CSMD1: variants seen among roughly 807,000 people sequenced by gnomAD.
The protein encoded by CSMD1 is CUB and Sushi multiple domains 1, also known as CUB and sushi domain-containing protein 1.
Under a neutral mutation model 417.5 loss-of-function variants are expected in CSMD1, and 213 were observed. The observed-to-expected ratio is 0.51, with a 90% CI of 0.46 to 0.57. The LOEUF (loss-of-function observed/expected upper bound fraction) is 0.57. CSMD1 is among the 20% of genes least tolerant of loss of function. The pLI is 0.00. For missense variants in CSMD1, 6,923 were observed against 4,529.7 expected (o/e 1.53, Z -15.17); for synonymous variants, 2,862 against 1,736.8 (o/e 1.65, Z -16.11).
intron 1 of CSMD1, among the ~76,000 whole-genome samples, chr8:4,651,476 G>A (rs1454831403): frequency 2.6e-5 from 4 of 151,932 alleles, no homozygotes; most frequent in African/African-American, 7.3e-5. Flanking sequence ...GGTGGGGGGA[G>A]GAATTGAACA....
chr8:4,747,553 C>T (rs903332277), intron 1 of CSMD1, among the ~76,000 whole-genome samples: 5 of 152,274 alleles, frequency 3.3e-5, no homozygotes, highest in Non-Finnish European at 5.9e-5. Context: ...ATTTATGATC[C>T]TCCTACGGTG....
chr8:3,315,657 G>C (rs1041170901), intron 23 of CSMD1, among the ~76,000 whole-genome samples: 2 of 147,954 alleles, frequency 1.4e-5, no homozygotes, highest in African/African-American at 2.4e-5. Flanking sequence ...TTAAAAAATA[G>C]CAATAGCAAA....
At chr8:3,893,173 A>T (rs1351432174) in intron 5 of CSMD1, among the ~76,000 whole-genome samples, 1 of 151,788 alleles carries the variant, frequency 6.6e-6, no homozygotes, top group East Asian at 1.9e-4. Flanking sequence ...GCTGCAGTGA[A>T]AAAACATGTT....
chr8:4,275,302 T>C (rs809028), intron 3 of CSMD1, among the ~76,000 whole-genome samples: 144,685 of 152,178 alleles, frequency 0.95, 69,218 homozygotes, highest in East Asian at 1. Context: ...GAACAGAAAC[T>C]GTAAGGTCAG....
chr8:4,236,120 C>A (rs958988302), intron 3 of CSMD1, among the ~76,000 whole-genome samples: 1 of 140,488 alleles, frequency 7.1e-6, no homozygotes, highest in East Asian at 2.1e-4. Flanking sequence ...GGGCTTCAAA[C>A]GGTGGGATAA....
intron 3 of CSMD1, among the ~76,000 whole-genome samples, chr8:4,300,719 G>C (rs1797939386): frequency 6.6e-6 from 1 of 152,136 alleles, no homozygotes; most frequent in Admixed American, 6.5e-5. Context: ...GGAGTGTGAT[G>C]TTCCCCTTCC....
intron 11 of CSMD1, among the ~76,000 whole-genome samples, chr8:3,471,916 T>A (rs1401409895): frequency 6.6e-6 from 1 of 152,142 alleles, no homozygotes; most frequent in Non-Finnish European, 1.5e-5. Flanking sequence ...GGCACTTGGT[T>A]CACATGCAAA....
At chr8:3,442,511 T>C (rs912120806) in intron 12 of CSMD1, among the ~76,000 whole-genome samples, 1 of 152,234 alleles carries the variant, frequency 6.6e-6, no homozygotes, top group African/African-American at 2.4e-5. Context: ...AAATGTTACT[T>C]CTTGTTACAA....
intron 2 of CSMD1, among the ~76,000 whole-genome samples, chr8:4,433,471 C>A (rs1191408706): frequency 6.6e-6 from 1 of 152,192 alleles, no homozygotes; most frequent in Non-Finnish European, 1.5e-5. Context: ...AACGCACTGG[C>A]TATCTGCAAG....
At chr8:3,650,757 A>G (rs1797815466) in intron 7 of CSMD1, among the ~76,000 whole-genome samples, 1 of 152,240 alleles carries the variant, frequency 6.6e-6, no homozygotes, top group Admixed American at 6.5e-5. Flanking sequence ...TTTCTAATGC[A>G]AAAATGTGAT....
chr8:4,290,097 T>C (rs925288489), intron 3 of CSMD1, among the ~76,000 whole-genome samples: 18 of 152,180 alleles, frequency 1.2e-4, no homozygotes, highest in Admixed American at 1.0e-3. Flanking sequence ...CATACAGATG[T>C]GCAACAAAAC....
chr8:4,511,068 C>G (rs1000108650), intron 2 of CSMD1, among the ~76,000 whole-genome samples: 1 of 152,046 alleles, frequency 6.6e-6, no homozygotes, highest in African/African-American at 2.4e-5. Flanking sequence ...TCTCAGCCAT[C>G]CTTCAGCCTG....
At chr8:4,294,441 A>T (rs1469167541) in intron 3 of CSMD1, among the ~76,000 whole-genome samples, 1 of 152,178 alleles carries the variant, frequency 6.6e-6, no homozygotes, top group Non-Finnish European at 1.5e-5. Context: ...TTCAATTAAC[A>T]TCGCAGGCAA....
intron 1 of CSMD1, among the ~76,000 whole-genome samples, chr8:4,664,794 G>C (rs190901059): frequency 6.6e-6 from 1 of 152,082 alleles, no homozygotes; most frequent in African/African-American, 2.4e-5. Flanking sequence ...GGAAATTATG[G>C]CATCTTTATG....
At chr8:3,186,422 T>C (rs1198151662) in intron 36 of CSMD1, among the ~76,000 whole-genome samples, 1 of 152,144 alleles carries the variant, frequency 6.6e-6, no homozygotes, top group African/African-American at 2.4e-5. Flanking sequence ...CAGACAAACA[T>C]GGATTGTGAA....
At chr8:4,478,893 G>A (rs528051016) in intron 2 of CSMD1, among the ~76,000 whole-genome samples, 28 of 152,196 alleles carry the variant, frequency 1.8e-4, no homozygotes, top group African/African-American at 6.7e-4. Flanking sequence ...GCAGACAAAT[G>A]GAAATTTAAT....
intron 40 of CSMD1, among the ~76,000 whole-genome samples, chr8:3,144,131 C>T (rs1272812509): frequency 1.3e-5 from 2 of 152,136 alleles, no homozygotes; most frequent in Non-Finnish European, 2.9e-5. Context: ...GCTCCCAGCA[C>T]AGTAATCATC....
At chr8:4,400,756 G>C (rs559373910) in intron 3 of CSMD1, among the ~76,000 whole-genome samples, 1 of 139,602 alleles carries the variant, frequency 7.2e-6, no homozygotes, top group Non-Finnish European at 1.5e-5. Flanking sequence ...AGTGCATACA[G>C]ATCAGTTTTT....
chr8:3,771,744 T>C (rs1472852773), intron 5 of CSMD1, among the ~76,000 whole-genome samples: 1 of 152,148 alleles, frequency 6.6e-6, no homozygotes, highest in East Asian at 1.9e-4. Flanking sequence ...ACATTGACTG[T>C]GTGTGTTCAA....
Sources: gnomAD v4.1 joint callset for allele counts (sites outside exome capture counted in the v4.1 genomes callset) on GRCh38, gnomAD v4.1.1 for gene constraint, MANE v1.5 for transcripts, NCBI Gene and HGNC (gene_info 2026-07-23, HGNC 2026-07-21) for gene names.